Variants in C12orf75 observed in about 807,000 individuals in gnomAD.
C12orf75 encodes the protein overexpressed in colon carcinoma 1 protein.
Under a neutral mutation model 11.4 loss-of-function variants are expected in C12orf75, and 4 were observed. The observed-to-expected ratio is 0.35, with a 90% CI of 0.17 to 0.80. The LOEUF (loss-of-function observed/expected upper bound fraction) is 0.80, where lower values mean the gene tolerates loss of function less well. Among genes scored for constraint, C12orf75 ranks in the 30% least tolerant of loss-of-function variants. The pLI is 0.52. For synonymous variants in C12orf75, 30 were observed against 30.0 expected (o/e 1.00, Z 0.00); for missense variants, 89 against 80.4 (o/e 1.11, Z -0.41).
chr12:105,351,539 C>G (rs1892713799), intron 2 of C12orf75, among the ~76,000 whole-genome samples: 1 of 152,218 alleles, frequency 6.6e-6, no homozygotes, highest in African/African-American at 2.4e-5. Context: ...AAGTAGTTCA[C>G]TGTCTACTAG....
intron 2 of C12orf75, among the ~76,000 whole-genome samples, chr12:105,364,986 G>A (rs1400875074): frequency 2.0e-5 from 3 of 151,820 alleles, no homozygotes; most frequent in African/African-American, 7.3e-5. Flanking sequence ...GACTACAGGC[G>A]TCACCATGCC....
chr12:105,335,531 A>G (rs960114107), intron 1 of C12orf75, among the ~76,000 whole-genome samples: 10 of 152,142 alleles, frequency 6.6e-5, no homozygotes, highest in African/African-American at 2.2e-4. Flanking sequence ...TGTGGGAAAC[A>G]CTTTTTTGCT....
At chr12:105,365,981 TG>T in intron 3 of C12orf75, 139 bp downstream of exon 3, 1 of 704,136 alleles carries the variant, frequency 1.4e-6, no homozygotes, top group Non-Finnish European at 2.6e-6. Context: ...TAGGGGCATA[TG>T]GTCTGAAAAA....
At chr12:105,335,881 T>C (rs1892494545) in intron 1 of C12orf75, among the ~76,000 whole-genome samples, 1 of 152,254 alleles carries the variant, frequency 6.6e-6, no homozygotes, top group African/African-American at 2.4e-5. Context: ...TGAATGAGTA[T>C]ATTTGGGAAA....
intron 1 of C12orf75, among the ~76,000 whole-genome samples, chr12:105,342,140 G>C (rs559893584): frequency 1.3e-5 from 2 of 152,330 alleles, no homozygotes; most frequent in African/African-American, 2.4e-5. Flanking sequence ...TGGTTTGAGT[G>C]CGTTCCCCAA....
At chr12:105,369,716 TG>T (rs1197155428) in intron 5 of C12orf75, among the ~76,000 whole-genome samples, 12 of 152,220 alleles carry the variant, frequency 7.9e-5, no homozygotes, top group African/African-American at 2.2e-4. Context: ...GATGTTTAGC[TG>T]TCTCTAAACA....
At chr12:105,368,946 T>G (rs1015655666) in intron 5 of C12orf75, among the ~76,000 whole-genome samples, 3 of 152,174 alleles carry the variant, frequency 2.0e-5, no homozygotes, top group African/African-American at 7.2e-5. Context: ...CCATATAGAT[T>G]TCTGAGTTCT....
chr12:105,336,634 G>T (rs1892502816), intron 1 of C12orf75, among the ~76,000 whole-genome samples: 1 of 152,208 alleles, frequency 6.6e-6, no homozygotes, highest in African/African-American at 2.4e-5. Context: ...GATCATGGCT[G>T]TGGGCCCTGA....
rs962300289 is a variant in C12orf75 at position 105,350,243 on chromosome 12, A to G, written c.71+1617A>G. The stretch of plus-strand genomic sequence containing the variant: ...TGCTCAAAACCTTTCAATTATTCCC[A>G]TCGTCCTCTGGACTGAACCCAGGAT... On this transcript the variant is annotated intron_variant, in intron 2 of 5. Coordinates refer to ENST00000443585, the MANE Select transcript of C12orf75 (RefSeq NM_001145199.2). 1.1e-4 allele frequency among the ~76,000 whole-genome samples: 16 copies of G among 152,212 alleles called. No homozygotes were observed. The East Asian group carries it at 3.1e-3, about 29-fold the overall frequency.
At chr12:105,363,548 A>G (rs1390939553) in intron 2 of C12orf75, among the ~76,000 whole-genome samples, 2 of 152,128 alleles carry the variant, frequency 1.3e-5, no homozygotes, top group African/African-American at 4.8e-5. Flanking sequence ...AACATGTTGA[A>G]ACCTCGTCTC....
chr12:105,337,073 C>T (rs1237027112), intron 1 of C12orf75, among the ~76,000 whole-genome samples: 1 of 152,184 alleles, frequency 6.6e-6, no homozygotes, highest in African/African-American at 2.4e-5. Flanking sequence ...CCTGTAATCC[C>T]AGCACTTTGG....
At chr12:105,334,970 A>G (rs2136139481) in intron 1 of C12orf75, among the ~76,000 whole-genome samples, 1 of 152,374 alleles carries the variant, frequency 6.6e-6, no homozygotes, top group South Asian at 2.1e-4. Context: ...AATGCAGGCT[A>G]AGGCTGTAGA....
chr12:105,364,599 T>C (rs1393592136), intron 2 of C12orf75, among the ~76,000 whole-genome samples: 1 of 152,222 alleles, frequency 6.6e-6, no homozygotes, highest in Non-Finnish European at 1.5e-5. Context: ...GGTAAAATCA[T>C]AGTTAGACAA....
At chr12:105,370,516 T>G (rs1378968705) in intron 5 of C12orf75, 118 bp from the exon 6 acceptor site, 5 of 445,802 alleles carry the variant, frequency 1.1e-5, no homozygotes, top group African/African-American at 1.0e-4. Context: ...GGGTGAATAT[T>G]AAATAGGTGT....
intron 1 of C12orf75, among the ~76,000 whole-genome samples, chr12:105,333,830 A>C (rs1307113031): frequency 1.3e-5 from 2 of 152,230 alleles, no homozygotes; most frequent in Admixed American, 1.3e-4. Flanking sequence ...TTCTATAAGA[A>C]CATGGCAAAT....
intron 1 of C12orf75, among the ~76,000 whole-genome samples, chr12:105,332,557 C>A (rs1054069608): frequency 2.6e-5 from 4 of 151,904 alleles, no homozygotes; most frequent in African/African-American, 9.7e-5. Context: ...CATGGTGAAA[C>A]CCAGTCTCTA....
chr12:105,341,311 TC>T (rs1394250976), intron 1 of C12orf75, among the ~76,000 whole-genome samples: 1 of 151,964 alleles, frequency 6.6e-6, no homozygotes, highest in Non-Finnish European at 1.5e-5. Flanking sequence ...GTTTTTTTTT[TC>T]CCCCGTTTCC....
rs561371301 is a variant in C12orf75, at chr12:105,337,441, G to A, written c.46+6504G>A. Reference sequence around the variant, plus strand: ...CTCAAACCTGTCTCTCTGAGAATTCGGAGGCTAGGGTTTCTTAAGGGGACT... The same window carrying A: ...CTCAAACCTGTCTCTCTGAGAATTCAGAGGCTAGGGTTTCTTAAGGGGACT... On this transcript the variant is annotated intron_variant, in intron 1 of 5. Coordinates refer to ENST00000443585, the MANE Select transcript of C12orf75 (RefSeq NM_001145199.2). 5.9e-5 allele frequency among the ~76,000 whole-genome samples: 9 copies of A among 152,216 alleles called. No homozygotes were observed. In the East Asian group the frequency reaches 7.7e-4, roughly 13 times the overall value.
At chr12:105,339,774 G>A (rs1454833496) in intron 1 of C12orf75, among the ~76,000 whole-genome samples, 8 of 151,826 alleles carry the variant, frequency 5.3e-5, no homozygotes, top group African/African-American at 1.4e-4. Context: ...CCGCCACCAC[G>A]CTCAGCTAAT....
Sources: allele counts gnomAD v4.1 joint callset (sites outside exome capture counted in the v4.1 genomes callset), GRCh38; gene constraint gnomAD v4.1.1; transcripts MANE v1.5; gene names NCBI Gene and HGNC (gene_info 2026-07-23, HGNC 2026-07-21).